CPQ: variants seen among roughly 807,000 people sequenced by gnomAD.
CPQ encodes the protein Ser-Met dipeptidase.
In CPQ, 37 loss-of-function variants were observed where a neutral mutation model predicts 45.7. The ratio of observed to expected loss-of-function variants is 0.81; its 90% CI spans 0.62 to 1.07. The LOEUF (loss-of-function observed/expected upper bound fraction) is 1.07. Among genes scored for constraint, CPQ ranks in the 50% least tolerant of loss-of-function variants. The pLI is 0.00. For missense variants in CPQ, 537 were observed against 572.9 expected (o/e 0.94, Z 0.64); for synonymous variants, 186 against 205.8 (o/e 0.90, Z 0.82).
chr8:96,890,600 G>A (rs377489330), intron 4 of CPQ, among the ~76,000 whole-genome samples: 3 of 152,306 alleles, frequency 2.0e-5, no homozygotes, highest in Non-Finnish European at 2.9e-5. Context: ...TGGGATAATA[G>A]ACTAATTTTA....
intron 1 of CPQ, among the ~76,000 whole-genome samples, chr8:96,779,632 T>G (rs1485326890): frequency 6.6e-6 from 1 of 152,192 alleles, no homozygotes; most frequent in Non-Finnish European, 1.5e-5. Context: ...TATATGATTC[T>G]AATCCATCAC....
intron 4 of CPQ, among the ~76,000 whole-genome samples, chr8:96,882,421 C>G (rs752918304): frequency 2.0e-5 from 3 of 152,192 alleles, no homozygotes; most frequent in Admixed American, 2.0e-4. Flanking sequence ...GGTATTTTCC[C>G]CAGTCAGTAG....
intron 7 of CPQ, among the ~76,000 whole-genome samples, chr8:97,121,861 A>T (rs1210192830): frequency 6.6e-6 from 1 of 152,096 alleles, no homozygotes; most frequent in Admixed American, 6.6e-5. Flanking sequence ...TATATGAAAT[A>T]AAAAAATTCA....
intron 5 of CPQ, among the ~76,000 whole-genome samples, chr8:97,012,612 T>C (rs1809508819): frequency 6.6e-6 from 1 of 152,192 alleles, no homozygotes; most frequent in South Asian, 2.1e-4. Context: ...GGGCAGCAGA[T>C]AAACTTGGGG....
chr8:96,927,610 A>C (rs1024685587), intron 4 of CPQ, among the ~76,000 whole-genome samples: 3 of 152,214 alleles, frequency 2.0e-5, no homozygotes, highest in Non-Finnish European at 4.4e-5. Context: ...CATATAGCAC[A>C]GTGGAGATAG....
At chr8:96,882,999 A>G (rs1192312519) in intron 4 of CPQ, among the ~76,000 whole-genome samples, 1 of 152,124 alleles carries the variant, frequency 6.6e-6, no homozygotes, top group Non-Finnish European at 1.5e-5. Context: ...TTTTTAAATT[A>G]TTATTTCATA....
intron 4 of CPQ, among the ~76,000 whole-genome samples, chr8:96,947,415 G>T (rs181422744): frequency 3.4e-4 from 52 of 152,186 alleles, no homozygotes; most frequent in Middle Eastern, 6.8e-3. Context: ...CCTACTATTG[G>T]TCTGTATGAC....
chr8:96,811,248 ATTC>A (rs922302621), intron 2 of CPQ, among the ~76,000 whole-genome samples: 118 of 151,906 alleles, frequency 7.8e-4, no homozygotes, highest in African/African-American at 2.8e-3. Flanking sequence ...TCATAAACGT[ATTC>A]TTTTAAAAAA....
At chr8:97,014,599 G>A (rs902374467) in intron 5 of CPQ, among the ~76,000 whole-genome samples, 7 of 143,508 alleles carry the variant, frequency 4.9e-5, no homozygotes, top group Non-Finnish European at 6.0e-5. Context: ...CTGAGATTGC[G>A]CCACTGTACA....
At chr8:97,019,801 G>A (rs1198662486) in intron 5 of CPQ, among the ~76,000 whole-genome samples, 1 of 152,126 alleles carries the variant, frequency 6.6e-6, no homozygotes, top group African/African-American at 2.4e-5. Context: ...TCTACTGACA[G>A]CACTAGACAG....
At chr8:96,832,835 G>A (rs1056944651) in intron 2 of CPQ, among the ~76,000 whole-genome samples, 1 of 152,140 alleles carries the variant, frequency 6.6e-6, no homozygotes, top group African/African-American at 2.4e-5. Context: ...TGGAAATGGG[G>A]AAGAGGGGTT....
At chr8:96,917,984 G>T (rs373733914) in intron 4 of CPQ, among the ~76,000 whole-genome samples, 1 of 152,208 alleles carries the variant, frequency 6.6e-6, no homozygotes, top group East Asian at 1.9e-4. Flanking sequence ...GTTACCTTTA[G>T]CCGTATAGAG....
At chr8:96,763,246 G>T (rs1193192141) in intron 1 of CPQ, among the ~76,000 whole-genome samples, 1 of 152,138 alleles carries the variant, frequency 6.6e-6, no homozygotes, top group African/African-American at 2.4e-5. Flanking sequence ...TTTAACATAT[G>T]AATTTGGGGG....
intron 2 of CPQ, among the ~76,000 whole-genome samples, chr8:96,798,939 A>G (rs1810970017): frequency 2.0e-5 from 3 of 152,098 alleles, no homozygotes; most frequent in Non-Finnish European, 2.9e-5. Context: ...TCATAGATAC[A>G]TATTAGATAT....
chr8:96,806,601 A>G (rs1034863863), intron 2 of CPQ, among the ~76,000 whole-genome samples: 33 of 152,242 alleles, frequency 2.2e-4, no homozygotes, highest in African/African-American at 6.8e-4. Flanking sequence ...TGTCAGCCTG[A>G]ATTAAACAAC....
chr8:97,123,207 A>AAT (rs1554591666), intron 7 of CPQ, among the ~76,000 whole-genome samples: 4 of 66,082 alleles, frequency 6.1e-5, no homozygotes, highest in Admixed American at 3.1e-4. Flanking sequence ...AATAAAATAA[A>AAT]AAATAAAATA....
rs758324695 is a variant in CPQ at position 97,066,069 on chromosome 8, G to A, written c.1114G>A (p.Gly372Arg). The A allele has an allele frequency of 4.0e-5, 65 of 1,611,524 alleles. No individual in the cohort carries two copies. Among genetic ancestry groups the A allele is most frequent in the Non-Finnish European group, 5.2e-5 (61 of 1,179,324 alleles). ...ESDAGTFLPT[G>R]LQFTGSEKAR... ...TGACGCAGGAACCTTCTTACCCACT[G>A]GGCTGCAATTCACTGGCAGTGAAAA... Residue 372 changes from glycine (G) to arginine (R), a missense_variant, in exon 7 of 8, where the codon GGG becomes AGG. Physicochemically the swap from Gly to Arg is moderately radical, Grantham distance 125. Transcript: ENST00000220763.
At chr8:96,711,544 T>C (rs906786407) in intron 1 of CPQ, among the ~76,000 whole-genome samples, 1 of 152,124 alleles carries the variant, frequency 6.6e-6, no homozygotes, top group Admixed American at 6.5e-5. Flanking sequence ...CTTACAGTCA[T>C]GGGAGAAGGA....
intron 6 of CPQ, among the ~76,000 whole-genome samples, chr8:97,052,958 AC>A (rs1325596176): frequency 6.6e-6 from 1 of 152,204 alleles, no homozygotes; most frequent in Non-Finnish European, 1.5e-5. Context: ...TAATTGTGGA[AC>A]TGTAGGTTTT....
Sources: gnomAD v4.1 joint callset for allele counts (sites outside exome capture counted in the v4.1 genomes callset) on GRCh38, gnomAD v4.1.1 for gene constraint, MANE v1.5 for transcripts, NCBI Gene and HGNC (gene_info 2026-07-23, HGNC 2026-07-21) for gene names.